SIM2: variants seen among roughly 807,000 people sequenced by gnomAD.
The protein encoded by SIM2 is single-minded homolog 2.
In SIM2, 28 loss-of-function variants were observed where a neutral mutation model predicts 64.8. That is an observed-to-expected ratio of 0.43 (90% confidence interval 0.32 to 0.59). SIM2 has a LOEUF of 0.59. Among genes scored for constraint, SIM2 ranks in the 20% least tolerant of loss-of-function variants. The pLI is 0.07. For missense variants in SIM2, 847 were observed against 871.4 expected, an observed-to-expected ratio of 0.97 and a Z score of 0.35; for synonymous variants, 408 against 391.1, an observed-to-expected ratio of 1.04 and a Z score of -0.51.
chr21:36,714,191 G>C (rs762655831), intron 3 of SIM2, among the ~76,000 whole-genome samples: 10 of 152,186 alleles, frequency 6.6e-5, no homozygotes, highest in Non-Finnish European at 1.3e-4. Flanking sequence ...ACCCAGACTA[G>C]TTTCTACTTC....
At chr21:36,736,846 T>TTTTCTTTCTTTCTC (rs1555876890) in intron 7 of SIM2, among the ~76,000 whole-genome samples, 5 of 25,512 alleles carry the variant, frequency 2.0e-4, no homozygotes, top group African/African-American at 4.5e-4. Flanking sequence ...TTTCTCTTTC[T>TTTTCTTTCTTTCTC]TTTCTTTCTT....
At chr21:36,740,203 C>T (rs1300962557) in intron 7 of SIM2, among the ~76,000 whole-genome samples, 1 of 151,238 alleles carries the variant, frequency 6.6e-6, no homozygotes, top group African/African-American at 2.4e-5. Flanking sequence ...ACCTTTAATT[C>T]CAGAACGTTT....
In SIM2 at chr21:36,719,864, C is replaced by G. The variant is rs1363326518; in HGVS notation, c.392C>G (p.Ser131Cys). 1.9e-6 allele frequency: 3 copies of G among 1,613,534 alleles called. No homozygotes were observed. Among genetic ancestry groups the G allele is most frequent in the Non-Finnish European group, 2.5e-6 (3 of 1,179,550 alleles). Residue 131 changes from serine (S) to cysteine (C), a missense_variant, in exon 4 of 11, where the codon TCT (serine) becomes TGT (cysteine). Physicochemically the swap from Ser to Cys is moderately radical, Grantham distance 112 (BLOSUM62 -1). Transcript: ENST00000290399. ...AGTATTTATGAATACATCCATCCTT[C>G]TGACCACGATGAGATGACCGCTGTC... ...GNSIYEYIHP[S>C]DHDEMTAVLT...
chr21:36,700,505 C>A (rs1474278033), intron 1 of SIM2, among the ~76,000 whole-genome samples: 4 of 152,230 alleles, frequency 2.6e-5, no homozygotes, highest in Non-Finnish European at 4.4e-5. Flanking sequence ...CCCATCCCTT[C>A]CTTTCTTTAT....
At chr21:36,717,993 A>G (rs2088769074) in intron 3 of SIM2, among the ~76,000 whole-genome samples, 1 of 152,216 alleles carries the variant, frequency 6.6e-6, no homozygotes, top group Non-Finnish European at 1.5e-5. Context: ...CTGTTGAGAA[A>G]GTGCCAGGCT....
In SIM2 at chr21:36,747,325, C is replaced by T. The variant is rs560991452; in HGVS notation, c.1577-340C>T. On this transcript the variant is annotated intron_variant, in intron 10 of 10. Transcript: ENST00000290399. This position sits in a 1 kb window ranked among gnomAD's most constrained non-coding sequence, Gnocchi z 4.5. ...AGTGCAGTGAGGCAGGTGTGACCTG[C>T]GCTCTGCATCTCAGGACCAAAAAAA... Among the ~76,000 whole-genome samples, 101 of 151,636 alleles carry T rather than the reference C, an allele frequency of 6.7e-4. 1 individual carries two copies. The highest frequency in any genetic ancestry group is 2.4e-3 in the African/African-American group (98 of 41,258).
intron 2 of SIM2, among the ~76,000 whole-genome samples, chr21:36,711,001 A>T (rs1369972301): frequency 6.6e-6 from 1 of 152,208 alleles, no homozygotes; most frequent in African/African-American, 2.4e-5. Context: ...ACACCCCCAG[A>T]CTTCTCTGTG....
In SIM2 at chr21:36,704,090, C is replaced by A. The variant is rs557437525; in HGVS notation, c.175+4169C>A. Among the ~76,000 whole-genome samples, 6 of 152,354 alleles carry A rather than the reference C, an allele frequency of 3.9e-5. No homozygotes were observed. The East Asian group carries it at 9.6e-4, about 24-fold the overall frequency. On this transcript the variant is annotated intron_variant, in intron 1 of 10. Coordinates refer to ENST00000290399, the MANE Select transcript of SIM2 (RefSeq NM_005069.6). Reference sequence around the variant, plus strand: ...AAAGAATTGCTACTCCAGAAACTGTCATTTGCCCACACGAAACGAGGTGGG... The same window carrying A: ...AAAGAATTGCTACTCCAGAAACTGTAATTTGCCCACACGAAACGAGGTGGG...
At chr21:36,740,512 T>C (rs569896304) in intron 7 of SIM2, among the ~76,000 whole-genome samples, 1 of 152,190 alleles carries the variant, frequency 6.6e-6, no homozygotes. Context: ...ACCCCCTATA[T>C]ATTAAGGTGA....
intron 1 of SIM2, 102 bp from the exon 2 acceptor site, chr21:36,709,066 G>T: frequency 1.0e-6 from 1 of 991,800 alleles, no homozygotes; most frequent in South Asian, 1.7e-5. Context: ...CGGGACTCGT[G>T]GGGAGGGCTG....
chr21:36,715,882 G>A (rs557116210), intron 3 of SIM2, among the ~76,000 whole-genome samples: 6 of 151,956 alleles, frequency 3.9e-5, no homozygotes, highest in Admixed American at 2.0e-4. Flanking sequence ...AATCTGCTTC[G>A]TATGGCAGAG....
At chr21:36,720,152 A>G (rs749992030) in intron 4 of SIM2, 20 of 544,680 alleles carry the variant, frequency 3.7e-5, no homozygotes, top group Non-Finnish European at 6.3e-5. Flanking sequence ...GTTGGCCAGA[A>G]CCCGTGTTGA....
intron 7 of SIM2, among the ~76,000 whole-genome samples, chr21:36,738,224 C>T (rs1051035792): frequency 2.0e-5 from 3 of 152,022 alleles, no homozygotes; most frequent in African/African-American, 7.2e-5. Flanking sequence ...AAAGTAATAG[C>T]AGCCAGATGC....
At chr21:36,702,139 G>A (rs949793763) in intron 1 of SIM2, among the ~76,000 whole-genome samples, 1 of 152,200 alleles carries the variant, frequency 6.6e-6, no homozygotes, top group Non-Finnish European at 1.5e-5. Context: ...GCTCTGGAAA[G>A]CAAGTCTCCA....
intron 7 of SIM2, among the ~76,000 whole-genome samples, chr21:36,737,980 AAAGC>A (rs1254425867): frequency 9.1e-5 from 11 of 120,344 alleles, no homozygotes; most frequent in Non-Finnish European, 2.2e-4. Context: ...AAAAAAAAAA[AAAGC>A]AAAAAAAAAG....
chr21:36,737,789 G>A lies in SIM2; in HGVS notation c.851-3928G>A, dbSNP rs572810420. On this transcript the variant is annotated intron_variant, in intron 7 of 10. Transcript: ENST00000290399. ...AGCCTGGCCAACATGGTGAAACCCCGTCTCTACTAAACAATACAAAACTTA... is the reference window on the plus strand; with the variant it reads ...AGCCTGGCCAACATGGTGAAACCCCATCTCTACTAAACAATACAAAACTTA... Among the ~76,000 whole-genome samples, 24 of 151,808 alleles carry A rather than the reference G, an allele frequency of 1.6e-4. 1 individual carries two copies. In the South Asian group the frequency reaches 3.8e-3, roughly 24 times the overall value.
chr21:36,741,186 T>G (rs1181742352), intron 7 of SIM2, among the ~76,000 whole-genome samples: 1 of 152,162 alleles, frequency 6.6e-6, no homozygotes, highest in Non-Finnish European at 1.5e-5. Context: ...AAACTGGGAT[T>G]AATGGGAAGA....
rs773607798 is a variant in SIM2, at chr21:36,726,074, C to T, written c.544-45C>T. The stretch of plus-strand genomic sequence containing the variant: ...TGAGCCAGGAGGAGTGGGCTCCAGC[C>T]CAACCCCAGTGGCCAGTGGCTGACC... On this transcript the variant is annotated intron_variant, in intron 5 of 10. Coordinates refer to ENST00000290399, the MANE Select transcript of SIM2 (RefSeq NM_005069.6). The surrounding 1 kb of genome is among the most constrained non-coding windows in gnomAD (Gnocchi z 4.5). 6.5e-6 allele frequency: 10 copies of T among 1,550,386 alleles called. No individual in the cohort carries two copies. The highest frequency in any genetic ancestry group is 8.9e-6 in the Non-Finnish European group (10 of 1,127,830).
chr21:36,701,342 C>G (rs913023763), intron 1 of SIM2: 1 of 152,588 alleles, frequency 6.6e-6, no homozygotes, highest in Non-Finnish European at 1.5e-5. Context: ...TTGCGTTCGC[C>G]TCTGCCAAGC....
Sources: gnomAD v4.1 joint callset for allele counts (sites outside exome capture counted in the v4.1 genomes callset) on GRCh38, gnomAD v4.1.1 for gene constraint, Gnocchi (gnomAD v3.1) non-coding constraint, MANE v1.5 for transcripts, NCBI Gene and HGNC (gene_info 2026-07-23, HGNC 2026-07-21) for gene names.